DLG2: variants seen among roughly 807,000 people sequenced by gnomAD.
DLG2 encodes the protein discs large MAGUK scaffold protein 2.
A neutral mutation model predicts 132.5 loss-of-function variants in DLG2; 45 were observed. That is an observed-to-expected ratio of 0.34 (90% CI 0.27 to 0.44). DLG2 has a LOEUF of 0.44. Among genes scored for constraint, DLG2 ranks in the 20% least tolerant of loss-of-function variants. The probability of loss-of-function intolerance (pLI) is 1.00; values close to 1 mark genes in which losing one functional copy is unlikely to be tolerated. For synonymous variants in DLG2, 424 were observed against 419.6 expected (o/e 1.01, Z -0.13); for missense variants, 1,045 against 1,196.9 (o/e 0.87, Z 1.87).
intron 6 of DLG2, among the ~76,000 whole-genome samples, chr11:84,776,507 G>A (rs558690936): frequency 3.2e-4 from 48 of 152,120 alleles, no homozygotes; most frequent in Admixed American, 3.0e-3. Flanking sequence ...ACAGGCAATC[G>A]AGATAGAACA....
At chr11:85,161,022 G>T (rs368901220) in intron 4 of DLG2, among the ~76,000 whole-genome samples, 3 of 152,316 alleles carry the variant, frequency 2.0e-5, no homozygotes, top group African/African-American at 7.2e-5. Context: ...TGTAGCCAAT[G>T]GTTTGGCTAG....
intron 3 of DLG2, among the ~76,000 whole-genome samples, chr11:85,296,917 A>G (rs1201195987): frequency 6.7e-6 from 1 of 150,078 alleles, no homozygotes; most frequent in Non-Finnish European, 1.5e-5. Context: ...ACAAAATGAT[A>G]CAATCATATT....
chr11:84,964,718 T>C (rs1036871382), intron 6 of DLG2, among the ~76,000 whole-genome samples: 1 of 152,100 alleles, frequency 6.6e-6, no homozygotes, highest in Non-Finnish European at 1.5e-5. Flanking sequence ...TTACACAGTT[T>C]ATGTGGGGTA....
chr11:83,469,384 C>A lies in DLG2; in HGVS notation c.2447-11G>T. On this transcript the variant is annotated splice_polypyrimidine_tract_variant and intron_variant, in intron 24 of 27. Coordinates refer to ENST00000376104, the MANE Select transcript of DLG2 (RefSeq NM_001142699.3). ...TTGGCCTCGTAGTATCTTTATAAAA[C>A]AAAAAATGATAAAATTAAGGTGCAT... is the stretch of plus-strand genomic sequence containing the variant. 1 of 1,596,160 alleles carries A rather than the reference C, an allele frequency of 6.3e-7. No individual in the cohort carries two copies. Among genetic ancestry groups the A allele is most frequent in the African/African-American group, 1.4e-5 (1 of 73,876 alleles).
intron 6 of DLG2, among the ~76,000 whole-genome samples, chr11:84,724,644 A>G (rs2062199289): frequency 6.6e-6 from 1 of 152,148 alleles, no homozygotes; most frequent in African/African-American, 2.4e-5. Flanking sequence ...CATCACAATC[A>G]CTCAATCTTA....
chr11:85,082,117 C>CA (rs1170976662), intron 6 of DLG2, among the ~76,000 whole-genome samples: 1 of 151,712 alleles, frequency 6.6e-6, no homozygotes, highest in South Asian at 2.1e-4. Context: ...ATATACATGC[C>CA]AAAAAAAATC....
At chr11:83,855,492 C>G (rs1004986090) in intron 16 of DLG2, among the ~76,000 whole-genome samples, 1 of 151,724 alleles carries the variant, frequency 6.6e-6, no homozygotes, top group Non-Finnish European at 1.5e-5. Flanking sequence ...TATTCATCAC[C>G]AAAAAGAAAT....
At chr11:84,010,098 A>G (rs1166385488) in intron 11 of DLG2, among the ~76,000 whole-genome samples, 3 of 152,010 alleles carry the variant, frequency 2.0e-5, no homozygotes, top group Admixed American at 6.6e-5. Flanking sequence ...AATTTAAAAT[A>G]TATCTCAAGA....
intron 6 of DLG2, among the ~76,000 whole-genome samples, chr11:84,630,929 A>T (rs147879579): frequency 6.6e-6 from 1 of 151,188 alleles, no homozygotes; most frequent in Non-Finnish European, 1.5e-5. Context: ...CTGTTTCAGG[A>T]AATATGACGC....
intron 6 of DLG2, among the ~76,000 whole-genome samples, chr11:84,626,540 T>C (rs915709171): frequency 2.6e-5 from 4 of 152,174 alleles, no homozygotes; most frequent in African/African-American, 9.7e-5. Flanking sequence ...GCAGAGCTTC[T>C]TGATATGTGA....
chr11:84,137,130 A>T (rs766800951), intron 9 of DLG2, among the ~76,000 whole-genome samples: 1 of 152,168 alleles, frequency 6.6e-6, no homozygotes, highest in Non-Finnish European at 1.5e-5. Context: ...GGTTGTGGCA[A>T]CTTACCAGAC....
At position 83,992,696 on chromosome 11, in the gene DLG2, C is replaced by T. The variant is rs577415735; in HGVS notation, c.920-12054G>A. Reference sequence around the variant, plus strand: ...TTGGTACTTGGATATCAAGAAATATCCAAGTATCCAATAAGTGAATAAATG... The same window carrying T: ...TTGGTACTTGGATATCAAGAAATATTCAAGTATCCAATAAGTGAATAAATG... On this transcript the variant is annotated intron_variant, in intron 11 of 27. Transcript: ENST00000376104. Among the ~76,000 whole-genome samples the T allele has an allele frequency of 1.1e-4, 17 of 152,074 alleles. No individual in the cohort carries two copies. The South Asian group carries it at 3.1e-3, about 28-fold the overall frequency.
chr11:84,486,467 T>G (rs1407148365), intron 7 of DLG2, among the ~76,000 whole-genome samples: 1 of 152,146 alleles, frequency 6.6e-6, no homozygotes, highest in Non-Finnish European at 1.5e-5. Flanking sequence ...TTTCTTTAGG[T>G]TCTTCCTAGT....
intron 6 of DLG2, among the ~76,000 whole-genome samples, chr11:85,072,613 C>T (rs774966547): frequency 6.6e-6 from 1 of 151,804 alleles, no homozygotes; most frequent in Non-Finnish European, 1.5e-5. Context: ...AAACAGATTA[C>T]TTTCATCACA....
At chr11:85,529,661 C>T (rs2075048884) in intron 3 of DLG2, among the ~76,000 whole-genome samples, 1 of 152,196 alleles carries the variant, frequency 6.6e-6, no homozygotes, top group South Asian at 2.1e-4. Flanking sequence ...CCACCATTTA[C>T]CTTTCCATTT....
At chr11:85,232,679 C>T (rs748458092) in intron 4 of DLG2, among the ~76,000 whole-genome samples, 6 of 151,976 alleles carry the variant, frequency 3.9e-5, no homozygotes, top group South Asian at 2.1e-4. Flanking sequence ...GATAAAAAGT[C>T]GTGGCATCAT....
At chr11:85,145,325 G>C (rs1259175092) in intron 5 of DLG2, among the ~76,000 whole-genome samples, 3 of 151,968 alleles carry the variant, frequency 2.0e-5, no homozygotes, top group Non-Finnish European at 4.4e-5. Context: ...GATTAAATCT[G>C]CTTAATTTTC....
At chr11:84,859,873 G>A (rs2083381141) in intron 6 of DLG2, among the ~76,000 whole-genome samples, 1 of 152,048 alleles carries the variant, frequency 6.6e-6, no homozygotes, top group Non-Finnish European at 1.5e-5. Flanking sequence ...CTTAGAAAGT[G>A]CAAACTGCCC....
intron 17 of DLG2, among the ~76,000 whole-genome samples, chr11:83,797,288 A>G (rs2043073798): frequency 6.6e-6 from 1 of 152,184 alleles, no homozygotes; most frequent in African/African-American, 2.4e-5. Context: ...TGTACATAAC[A>G]CTTAATATGT....
Sources: gnomAD v4.1 joint callset for allele counts (sites outside exome capture counted in the v4.1 genomes callset) on GRCh38, gnomAD v4.1.1 for gene constraint, MANE v1.5 for transcripts, NCBI Gene and HGNC (gene_info 2026-07-23, HGNC 2026-07-21) for gene names.